Variants in FHIT observed in about 807,000 individuals in gnomAD.
The protein encoded by FHIT is fragile histidine triad diadenosine triphosphatase, also known as bis(5'-adenosyl)-triphosphatase.
In FHIT, 19 loss-of-function variants were observed where a neutral mutation model predicts 17.9. The observed-to-expected ratio is 1.06, with a 90% CI of 0.74 to 1.56. The LOEUF is 1.56. Among genes scored for constraint, FHIT ranks in the 40% most tolerant of loss-of-function variants. FHIT has a pLI of 0.00. For missense variants in FHIT, 248 were observed against 189.2 expected, an observed-to-expected ratio of 1.31 and a Z score of -1.82; for synonymous variants, 81 against 69.7, an observed-to-expected ratio of 1.16 and a Z score of -0.81.
At chr3:60,852,505 G>A (rs538666906) in intron 3 of FHIT, among the ~76,000 whole-genome samples, 2 of 152,104 alleles carry the variant, frequency 1.3e-5, no homozygotes, top group South Asian at 4.1e-4. Context: ...ATCCAAAGAT[G>A]AACAACTTTC....
intron 5 of FHIT, among the ~76,000 whole-genome samples, chr3:60,109,449 T>C (rs938905725): frequency 6.6e-6 from 1 of 152,260 alleles, no homozygotes. Flanking sequence ...AAAAATTCCA[T>C]GTCTGGCTTA....
At chr3:60,204,444 G>GTTTTTTTTT (rs56126245) in intron 5 of FHIT, among the ~76,000 whole-genome samples, 5 of 115,016 alleles carry the variant, frequency 4.3e-5, no homozygotes, top group East Asian at 2.8e-4. Context: ...TAATATTCTG[G>GTTTTTTTTT]TTTTTTTTTT....
intron 5 of FHIT, among the ~76,000 whole-genome samples, chr3:60,136,951 G>A (rs950973621): frequency 6.6e-6 from 1 of 152,102 alleles, no homozygotes; most frequent in Non-Finnish European, 1.5e-5. Context: ...TATCTCCTTG[G>A]TTTAATATTT....
At chr3:61,136,488 A>G (rs745366992) in intron 2 of FHIT, among the ~76,000 whole-genome samples, 4 of 152,094 alleles carry the variant, frequency 2.6e-5, no homozygotes, top group Non-Finnish European at 4.4e-5. Context: ...AATCAGAGGA[A>G]AATGTGGCTA....
At chr3:60,093,330 A>C (rs956957487) in intron 5 of FHIT, among the ~76,000 whole-genome samples, 2 of 152,060 alleles carry the variant, frequency 1.3e-5, no homozygotes, top group African/African-American at 4.8e-5. Context: ...CAATAATGGG[A>C]CGAAACCATC....
At chr3:59,991,996 A>G (rs62238368) in intron 7 of FHIT, among the ~76,000 whole-genome samples, 14,848 of 152,118 alleles carry the variant, frequency 0.098, 979 homozygotes, top group South Asian at 0.19. Context: ...TGCAACTGAA[A>G]GAGTCTTTAA....
At chr3:61,056,720 G>T (rs563648479) in intron 2 of FHIT, among the ~76,000 whole-genome samples, 12 of 152,264 alleles carry the variant, frequency 7.9e-5, no homozygotes, top group Non-Finnish European at 1.5e-4. Context: ...CTCTGAGCAT[G>T]TTCTTAGGGA....
chr3:61,143,587 T>C (rs1248891728), intron 2 of FHIT, among the ~76,000 whole-genome samples: 19 of 152,170 alleles, frequency 1.2e-4, no homozygotes, highest in Admixed American at 1.2e-3. Flanking sequence ...ATTTTCTGGC[T>C]GGGCACAGTG....
chr3:59,955,475 C>T (rs1037557525), intron 7 of FHIT, among the ~76,000 whole-genome samples: 4 of 152,184 alleles, frequency 2.6e-5, no homozygotes, highest in South Asian at 2.1e-4. Context: ...TCAGCCCCTC[C>T]GCTTTACACA....
At chr3:60,410,410 A>G (rs1251004349) in intron 5 of FHIT, among the ~76,000 whole-genome samples, 4 of 152,220 alleles carry the variant, frequency 2.6e-5, no homozygotes, top group Non-Finnish European at 5.9e-5. Context: ...AGACTGACAC[A>G]GGTTAATTTC....
intron 3 of FHIT, among the ~76,000 whole-genome samples, chr3:61,022,656 T>C (rs1260971292): frequency 6.6e-6 from 1 of 152,152 alleles, no homozygotes; most frequent in African/African-American, 2.4e-5. Context: ...ACGATCAAGT[T>C]GGCTTAATCC....
chr3:59,885,287 A>G (rs687069), intron 8 of FHIT, among the ~76,000 whole-genome samples: 109,785 of 151,836 alleles, frequency 0.72, 43,706 homozygotes, highest in East Asian at 0.98. Flanking sequence ...GACACTGAAA[A>G]TATTGCTGAA....
chr3:61,039,308 C>A (rs2033394381), intron 3 of FHIT, among the ~76,000 whole-genome samples: 2 of 152,112 alleles, frequency 1.3e-5, no homozygotes, highest in African/African-American at 4.8e-5. Context: ...GAGATTACTA[C>A]AACAACATTT....
intron 5 of FHIT, among the ~76,000 whole-genome samples, chr3:60,128,838 C>T (rs1205480959): frequency 2.0e-5 from 3 of 152,158 alleles, no homozygotes; most frequent in African/African-American, 7.2e-5. Flanking sequence ...GGCAAGCTCC[C>T]TGGTTATTCC....
At chr3:60,202,685 A>C (rs889157197) in intron 5 of FHIT, among the ~76,000 whole-genome samples, 1 of 152,162 alleles carries the variant, frequency 6.6e-6, no homozygotes, top group Admixed American at 6.5e-5. Context: ...CTTAAGTAAG[A>C]GAAGGTCCCT....
chr3:60,027,706 G>C (rs1700810756), intron 5 of FHIT, among the ~76,000 whole-genome samples: 3 of 138,456 alleles, frequency 2.2e-5, no homozygotes. Context: ...ATCTCTTCTG[G>C]TTCCATTTAG....
At chr3:60,130,978 T>C (rs1699545819) in intron 5 of FHIT, among the ~76,000 whole-genome samples, 2 of 130,412 alleles carry the variant, frequency 1.5e-5, no homozygotes, top group Non-Finnish European at 3.2e-5. Context: ...AAGGTATATA[T>C]ATACACATAT....
chr3:60,570,543 T>G (rs770339698), intron 4 of FHIT, among the ~76,000 whole-genome samples: 8 of 151,972 alleles, frequency 5.3e-5, no homozygotes, highest in Non-Finnish European at 1.0e-4. Context: ...TGGTTAGCCT[T>G]ACAGGATGCC....
At chr3:60,694,658 C>T (rs1328250087) in intron 4 of FHIT, among the ~76,000 whole-genome samples, 1 of 152,118 alleles carries the variant, frequency 6.6e-6, no homozygotes, top group South Asian at 2.1e-4. Context: ...AGACCTGGAA[C>T]CAACCCAAAT....
Sources: allele counts gnomAD v4.1 joint callset (sites outside exome capture counted in the v4.1 genomes callset), GRCh38; gene constraint gnomAD v4.1.1; transcripts MANE v1.5; gene names NCBI Gene and HGNC (gene_info 2026-07-23, HGNC 2026-07-21).